The following CYREN variants were observed in gnomAD, a reference collection of about 807,000 sequenced individuals.
CYREN encodes cell cycle regulator of non-homologous end joining.
Under a neutral mutation model 9.7 loss-of-function variants are expected in CYREN, and 7 were observed. The ratio of observed to expected loss-of-function variants is 0.72; its 90% confidence interval spans 0.41 to 1.36. CYREN has a LOEUF of 1.36. CYREN is among the 40% of genes most tolerant of loss of function. CYREN has a pLI of 0.01. For missense variants in CYREN, 215 were observed against 198.1 expected, an observed-to-expected ratio of 1.09 and a Z score of -0.51; for synonymous variants, 76 against 77.9, an observed-to-expected ratio of 0.98 and a Z score of 0.13.
At chr7:135,133,143 T>A (rs1414332311) in intron 2 of CYREN, among the ~76,000 whole-genome samples, 2 of 151,918 alleles carry the variant, frequency 1.3e-5, no homozygotes, top group Non-Finnish European at 2.9e-5. Context: ...GAATACAAGA[T>A]AAATGTACAA....
intron 2 of CYREN, among the ~76,000 whole-genome samples, chr7:135,111,569 CG>C (rs1480497840): frequency 6.6e-6 from 1 of 151,530 alleles, no homozygotes; most frequent in East Asian, 2.0e-4. Flanking sequence ...ATGTTGTACA[CG>C]TCTGTTTTTT....
intron 2 of CYREN, among the ~76,000 whole-genome samples, chr7:135,113,823 A>G (rs1825961095): frequency 6.6e-6 from 1 of 152,140 alleles, no homozygotes. Context: ...CCCTCCCCCC[A>G]GCACCTGGAA....
rs61217008 is a variant in CYREN, at chr7:135,128,291, C to CA, written n.357-33710dup. 3.4e-3 allele frequency among the ~76,000 whole-genome samples: 197 copies of CA among 58,076 alleles called. 26 individuals carry two copies. The highest frequency in any genetic ancestry group is 0.016 in the African/African-American group (194 of 12,272). The allele number at this position is 58,076 out of a possible 152,430, so 38.1% of individuals were successfully genotyped here. A position where few individuals can be genotyped will look rare whatever the true frequency, so the allele number is the denominator to read the frequency against. On this transcript the variant is annotated intron_variant and non_coding_transcript_variant, in intron 2 of 2. Transcript: ENST00000459937. ...TGGGCAACAGAGTGAGACTCCATCT[C>CA]AAAAAAAAAAAAAAAAAAAAAAAAA... is the stretch of plus-strand genomic sequence containing the variant.
chr7:135,117,761 C>A (rs1826535351), intron 2 of CYREN, among the ~76,000 whole-genome samples: 1 of 152,200 alleles, frequency 6.6e-6, no homozygotes. Flanking sequence ...ATATCAGATA[C>A]TTTTGGGGGT....
At chr7:135,111,656 C>T (rs1174379723) in intron 2 of CYREN, among the ~76,000 whole-genome samples, 1 of 152,066 alleles carries the variant, frequency 6.6e-6, no homozygotes, top group Non-Finnish European at 1.5e-5. Context: ...TGTGACACTA[C>T]TCTCTCCTGG....
chr7:135,118,607 A>G (rs924947712), intron 2 of CYREN, among the ~76,000 whole-genome samples: 2 of 152,248 alleles, frequency 1.3e-5, no homozygotes, highest in South Asian at 2.1e-4. Flanking sequence ...GAAAGTGTCT[A>G]TGTTTTAATC....
intron 2 of CYREN, among the ~76,000 whole-genome samples, chr7:135,133,277 A>T (rs1301674776): frequency 1.1e-4 from 17 of 152,232 alleles, no homozygotes; most frequent in Admixed American, 1.1e-3. Context: ...GAATAAGAGA[A>T]ATTTTAAAAT....
In CYREN at chr7:135,168,014, C is replaced by T. The variant is rs1830311363; in HGVS notation, c.138-207G>A. Reference sequence around the variant, plus strand: ...GGCACAGGGCTTCATGGAGGCAACACCGGGGTGCCTCCCACCCTCCACCAA... The same window carrying T: ...GGCACAGGGCTTCATGGAGGCAACATCGGGGTGCCTCCCACCCTCCACCAA... On this transcript the variant is annotated intron_variant, in intron 2 of 3. Coordinates refer to ENST00000393114, the MANE Select transcript of CYREN (RefSeq NM_024033.4). 3 of 806,412 alleles carry T rather than the reference C, an allele frequency of 3.7e-6. No individual in the cohort carries two copies. The East Asian group carries it at 8.4e-5, about 23-fold the overall frequency. The allele number at this position is 806,412 out of a possible 1,614,324, so 50.0% of individuals were successfully genotyped here.
chr7:135,141,159 A>G (rs1829445993), intron 2 of CYREN, among the ~76,000 whole-genome samples: 1 of 152,044 alleles, frequency 6.6e-6, no homozygotes, highest in Admixed American at 6.6e-5. Flanking sequence ...TATGTCTGGT[A>G]GAATTCAGCC....
chr7:135,170,431 A>G (rs1830573627), intron 1 of CYREN: 1 of 152,258 alleles, frequency 6.6e-6, no homozygotes, highest in African/African-American at 2.4e-5. Context: ...GTGAGTGCGG[A>G]GCGGAAGGCG....
intron 2 of CYREN, among the ~76,000 whole-genome samples, chr7:135,097,666 G>T (rs1823111529): frequency 6.6e-6 from 1 of 152,064 alleles, no homozygotes; most frequent in Admixed American, 6.5e-5. Flanking sequence ...AAAGTTTGGG[G>T]TCACTTTTTA....
chr7:135,133,755 C>T (rs901260042), intron 2 of CYREN, among the ~76,000 whole-genome samples: 15 of 152,000 alleles, frequency 9.9e-5, no homozygotes, highest in African/African-American at 3.6e-4. Flanking sequence ...ACATCTTATA[C>T]AAAAATTAAC....
At chr7:135,161,900 C>T (rs1224381312), downstream of CYREN, among the ~76,000 whole-genome samples, 1 of 152,220 alleles carries the variant, frequency 6.6e-6, no homozygotes, top group East Asian at 1.9e-4. The surrounding 1 kb of genome is among the most constrained non-coding windows in gnomAD (Gnocchi z 4.1). Flanking sequence ...ACTGGGCAGA[C>T]TGCCCAGTGC....
At chr7:135,147,620 T>A (rs1829572776) in intron 2 of CYREN, among the ~76,000 whole-genome samples, 1 of 152,186 alleles carries the variant, frequency 6.6e-6, no homozygotes, top group South Asian at 2.1e-4. Context: ...CAAAGTTTTG[T>A]GTCCAGAGAA....
rs148663925 is a variant in CYREN, at chr7:135,112,937, G to A, written n.357-18355C>T. Reference sequence around the variant, plus strand: ...GGATTACAGAACTCGCCACCATGCCGACTTAATTTTTGTATTTTTAGTAGA... The same window carrying A: ...GGATTACAGAACTCGCCACCATGCCAACTTAATTTTTGTATTTTTAGTAGA... On this transcript the variant is annotated intron_variant and non_coding_transcript_variant, in intron 2 of 2. Transcript: ENST00000459937. 2.3e-3 allele frequency among the ~76,000 whole-genome samples: 348 copies of A among 152,112 alleles called. 1 individual carries two copies. Among genetic ancestry groups the A allele is most frequent in the African/African-American group, 7.6e-3 (316 of 41,494 alleles).
At chr7:135,149,144 T>C (rs941782330) in intron 2 of CYREN, among the ~76,000 whole-genome samples, 13 of 152,218 alleles carry the variant, frequency 8.5e-5, no homozygotes, top group African/African-American at 3.1e-4. Context: ...GTCCCTGCTT[T>C]ATCTAATTAC....
chr7:135,171,641 G>A (rs1830661159), upstream of CYREN, among the ~76,000 whole-genome samples: 3 of 152,164 alleles, frequency 2.0e-5, no homozygotes, highest in Admixed American at 2.0e-4. Flanking sequence ...CGGGGAGCTC[G>A]GATTTTAAGG....
chr7:135,122,525 A>G (rs969397049), intron 2 of CYREN, among the ~76,000 whole-genome samples: 3 of 151,974 alleles, frequency 2.0e-5, no homozygotes, highest in African/African-American at 7.3e-5. Context: ...CACCCCCCCA[A>G]CCAAGGGACA....
At chr7:135,095,661 CTG>C (rs1822557942) in intron 2 of CYREN, among the ~76,000 whole-genome samples, 1 of 152,206 alleles carries the variant, frequency 6.6e-6, no homozygotes, top group South Asian at 2.1e-4. Flanking sequence ...GGAAGCAACA[CTG>C]TTTTTTGTGC....
Sources: gnomAD v4.1 joint callset for allele counts (sites outside exome capture counted in the v4.1 genomes callset) on GRCh38, gnomAD v4.1.1 for gene constraint, Gnocchi (gnomAD v3.1) non-coding constraint, MANE v1.5 for transcripts, NCBI Gene and HGNC (gene_info 2026-07-23, HGNC 2026-07-21) for gene names.